The following SORCS3 variants were observed in gnomAD, a reference collection of about 807,000 sequenced individuals.
SORCS3 encodes the protein sortilin related VPS10 domain containing receptor 3.
SORCS3 carries 57 observed loss-of-function variants against 146.3 expected under a neutral mutation model. The observed-to-expected ratio is 0.39, with a 90% CI of 0.31 to 0.49. The LOEUF (loss-of-function observed/expected upper bound fraction) is 0.49, where lower values mean the gene tolerates loss of function less well. Among genes scored for constraint, SORCS3 ranks in the 20% least tolerant of loss-of-function variants. The pLI is 0.92. For synonymous variants in SORCS3, 653 were observed against 618.5 expected, an observed-to-expected ratio of 1.06 and a Z score of -0.83; for missense variants, 1,341 against 1,575.5, an observed-to-expected ratio of 0.85 and a Z score of 2.52.
chr10:104,648,320 T>C (rs1268670463), intron 1 of SORCS3, among the ~76,000 whole-genome samples: 4 of 152,186 alleles, frequency 2.6e-5, no homozygotes, highest in Non-Finnish European at 5.9e-5. Flanking sequence ...TATTTTTTTT[T>C]CTCTTGGAAG....
intron 4 of SORCS3, among the ~76,000 whole-genome samples, chr10:105,036,192 G>T (rs941415752): frequency 1.3e-5 from 2 of 151,068 alleles, no homozygotes; most frequent in African/African-American, 4.9e-5. Context: ...CAATTTTTGG[G>T]GAAGGACATA....
chr10:104,827,367 G>T (rs1392086802), intron 1 of SORCS3, among the ~76,000 whole-genome samples: 1 of 152,160 alleles, frequency 6.6e-6, no homozygotes, highest in Non-Finnish European at 1.5e-5. Flanking sequence ...TGGATGTTGT[G>T]ATAGCAGGCA....
intron 1 of SORCS3, among the ~76,000 whole-genome samples, chr10:104,753,456 G>C (rs1198801331): frequency 1.3e-5 from 2 of 152,182 alleles, no homozygotes; most frequent in Non-Finnish European, 2.9e-5. Context: ...TTTCCCTTAA[G>C]GCTGGATTCT....
At chr10:105,260,748 A>G (rs2056955963) in intron 25 of SORCS3, among the ~76,000 whole-genome samples, 2 of 152,200 alleles carry the variant, frequency 1.3e-5, no homozygotes, top group Admixed American at 1.3e-4. Context: ...TGCTTGGCAC[A>G]AGGACAACAA....
intron 4 of SORCS3, among the ~76,000 whole-genome samples, chr10:105,005,293 A>G (rs1389689287): frequency 6.6e-6 from 1 of 152,228 alleles, no homozygotes; most frequent in Non-Finnish European, 1.5e-5. Flanking sequence ...AAAAGTGGAT[A>G]TTCACTGTAT....
chr10:104,979,237 G>A (rs1007922301), intron 4 of SORCS3, among the ~76,000 whole-genome samples: 14 of 152,072 alleles, frequency 9.2e-5, no homozygotes, highest in East Asian at 3.9e-4. Flanking sequence ...GTGTCTATCC[G>A]TTAGATGAAT....
At chr10:105,009,451 A>G (rs1323379887) in intron 4 of SORCS3, among the ~76,000 whole-genome samples, 1 of 151,370 alleles carries the variant, frequency 6.6e-6, no homozygotes, top group Non-Finnish European at 1.5e-5. Context: ...AGGAGATACA[A>G]TTTTTGCTGC....
intron 13 of SORCS3, among the ~76,000 whole-genome samples, chr10:105,177,825 G>T (rs1456192878): frequency 6.6e-6 from 1 of 152,014 alleles, no homozygotes. Context: ...TGGGCTGTTT[G>T]TCGATTCTAA....
intron 2 of SORCS3, among the ~76,000 whole-genome samples, chr10:104,871,773 C>T (rs1173153833): frequency 1.3e-5 from 2 of 152,118 alleles, no homozygotes; most frequent in Non-Finnish European, 2.9e-5. Context: ...TAAAGGTGAT[C>T]TTGTTTTTGC....
intron 4 of SORCS3, 71 bp downstream of exon 4, chr10:104,977,564 A>C (rs1026376274): frequency 7.8e-6 from 11 of 1,406,230 alleles, no homozygotes; most frequent in African/African-American, 1.4e-5. Flanking sequence ...TTGCTTGCTT[A>C]ATCCACATTT....
chr10:105,057,419 T>G (rs1197344356), intron 5 of SORCS3, among the ~76,000 whole-genome samples: 5 of 152,140 alleles, frequency 3.3e-5, no homozygotes, highest in Non-Finnish European at 7.4e-5. Context: ...TGTCTTTCCT[T>G]AGTGCCCACA....
At chr10:105,257,009 C>G in intron 25 of SORCS3, 85 bp downstream of exon 25, 1 of 933,854 alleles carries the variant, frequency 1.1e-6, no homozygotes, top group Admixed American at 2.0e-5. Context: ...CTAAACTCAT[C>G]GCAAGAATGT....
At chr10:105,153,176 T>G (rs2056179708) in intron 9 of SORCS3, among the ~76,000 whole-genome samples, 1 of 152,152 alleles carries the variant, frequency 6.6e-6, no homozygotes, top group Non-Finnish European at 1.5e-5. Flanking sequence ...GTCTTTAGTT[T>G]TGCCTTTCCT....
At chr10:104,722,600 A>T (rs1458402616) in intron 1 of SORCS3, among the ~76,000 whole-genome samples, 4 of 152,256 alleles carry the variant, frequency 2.6e-5, no homozygotes, top group Non-Finnish European at 4.4e-5. Flanking sequence ...TGTGAATCCA[A>T]CTGGTCCTGG....
chr10:105,197,882 C>G (rs1197549105), intron 14 of SORCS3, among the ~76,000 whole-genome samples: 1 of 152,138 alleles, frequency 6.6e-6, no homozygotes, highest in African/African-American at 2.4e-5. Context: ...AATTCAATTT[C>G]CAATGATGAC....
intron 13 of SORCS3, among the ~76,000 whole-genome samples, chr10:105,174,253 T>C (rs1398914132): frequency 6.6e-6 from 1 of 152,132 alleles, no homozygotes; most frequent in Non-Finnish European, 1.5e-5. Flanking sequence ...TCCCTGAGTA[T>C]TGGCAATCCT....
rs368282074 is a variant in SORCS3, at chr10:104,656,388, G to A, written c.627+14434G>A. 2.5e-4 allele frequency among the ~76,000 whole-genome samples: 38 copies of A among 152,282 alleles called. 1 individual carries two copies. Among genetic ancestry groups the A allele is most frequent in the African/African-American group, 8.9e-4 (37 of 41,548 alleles). On this transcript the variant is annotated intron_variant, in intron 1 of 26. Coordinates refer to ENST00000369701, the MANE Select transcript of SORCS3 (RefSeq NM_014978.3). ...CAGCAAAGGGGTGGCCTGGCCTGGT[G>A]GCTTATGCGTGCAATTCTAGCACTT...
chr10:104,851,132 C>G (rs1397119416), intron 2 of SORCS3, among the ~76,000 whole-genome samples: 2 of 152,152 alleles, frequency 1.3e-5, no homozygotes, highest in Non-Finnish European at 2.9e-5. Context: ...CCTCAGACAT[C>G]TTACTTTGCT....
intron 20 of SORCS3, among the ~76,000 whole-genome samples, chr10:105,236,404 G>A (rs1476885602): frequency 6.6e-6 from 1 of 152,126 alleles, no homozygotes; most frequent in Non-Finnish European, 1.5e-5. Flanking sequence ...TATACATAGT[G>A]AAGGAAAAAG....
Sources: gnomAD v4.1 joint callset for allele counts (sites outside exome capture counted in the v4.1 genomes callset) on GRCh38, gnomAD v4.1.1 for gene constraint, MANE v1.5 for transcripts, NCBI Gene and HGNC (gene_info 2026-07-23, HGNC 2026-07-21) for gene names.